Variants in RNF4 observed in about 807,000 individuals in gnomAD.
RNF4 encodes ring finger protein 4, also known as E3 ubiquitin-protein ligase RNF4.
Under a neutral mutation model 24.3 loss-of-function variants are expected in RNF4, and 7 were observed. The ratio of observed to expected loss-of-function variants is 0.29; its 90% CI spans 0.16 to 0.54. The LOEUF (loss-of-function observed/expected upper bound fraction) is 0.54. RNF4 is among the 20% of genes least tolerant of loss of function. The pLI is 0.95. For synonymous variants in RNF4, 83 were observed against 84.3 expected, an observed-to-expected ratio of 0.98 and a Z score of 0.09; for missense variants, 209 against 248.5, an observed-to-expected ratio of 0.84 and a Z score of 1.07.
intron 4 of RNF4, among the ~76,000 whole-genome samples, chr4:2,503,560 G>C (rs753555004): frequency 6.6e-6 from 1 of 152,198 alleles, no homozygotes; most frequent in African/African-American, 2.4e-5. Flanking sequence ...GGACTTGATA[G>C]CTCTTGCTAA....
chr4:2,504,293 T>C (rs1390817805), intron 4 of RNF4, among the ~76,000 whole-genome samples: 2 of 152,180 alleles, frequency 1.3e-5, no homozygotes, highest in Non-Finnish European at 2.9e-5. Context: ...TGATTTTTAC[T>C]GGATAAATGC....
intron 1 of RNF4, among the ~76,000 whole-genome samples, chr4:2,478,132 G>A (rs1195713245): frequency 6.6e-6 from 1 of 152,150 alleles, no homozygotes; most frequent in Non-Finnish European, 1.5e-5. Flanking sequence ...CTAGAGATTT[G>A]TGGAACTTTG....
intron 1 of RNF4, among the ~76,000 whole-genome samples, chr4:2,482,495 G>A (rs1372386259): frequency 6.6e-6 from 1 of 152,146 alleles, no homozygotes; most frequent in African/African-American, 2.4e-5. Flanking sequence ...GGATCCTTAG[G>A]TTTCCTTCAT....
intron 1 of RNF4, among the ~76,000 whole-genome samples, chr4:2,488,571 C>T (rs1465839301): frequency 6.6e-6 from 1 of 152,162 alleles, no homozygotes; most frequent in African/African-American, 2.4e-5. Flanking sequence ...GAGAGACTGC[C>T]AACCTGGTGC....
At chr4:2,513,048 G>T in intron 6 of RNF4, 35 bp from the exon 7 acceptor site, 1 of 1,607,366 alleles carries the variant, frequency 6.2e-7, no homozygotes, top group South Asian at 1.1e-5. Flanking sequence ...TGTTTGCGTT[G>T]ACTGAGAAAC....
chr4:2,481,124 T>C (rs1018260023), intron 1 of RNF4: 1 of 152,248 alleles, frequency 6.6e-6, no homozygotes, highest in African/African-American at 2.4e-5. Flanking sequence ...CAGCATTCAC[T>C]CTCTTTGCCT....
chr4:2,487,744 G>T (rs1306098075), intron 1 of RNF4, among the ~76,000 whole-genome samples: 2 of 152,180 alleles, frequency 1.3e-5, no homozygotes, highest in Non-Finnish European at 2.9e-5. Context: ...TCTGTTGAGA[G>T]CACCCGTAGT....
chr4:2,505,557 C>A (rs531211015), intron 4 of RNF4: 1 of 150,006 alleles, frequency 6.7e-6, no homozygotes, highest in African/African-American at 2.5e-5. Flanking sequence ...GATCTCCTGA[C>A]CTCGTGATCC....
intron 2 of RNF4, among the ~76,000 whole-genome samples, chr4:2,494,298 T>C (rs1025443655): frequency 1.2e-4 from 18 of 151,992 alleles, no homozygotes; most frequent in African/African-American, 4.4e-4. Flanking sequence ...TTTACTCTGC[T>C]GCTGTATCCA....
At chr4:2,493,996 C>CCG (rs1735658483) in intron 2 of RNF4, among the ~76,000 whole-genome samples, 1 of 151,650 alleles carries the variant, frequency 6.6e-6, no homozygotes, top group South Asian at 2.1e-4. Flanking sequence ...GTGCATGCCA[C>CCG]CACGCCCAGC....
intron 3 of RNF4, among the ~76,000 whole-genome samples, chr4:2,500,113 C>T (rs1165901705): frequency 6.8e-6 from 1 of 147,902 alleles, no homozygotes; most frequent in African/African-American, 2.5e-5. Flanking sequence ...GCCAAGATCG[C>T]ACCACTGCAC....
chr4:2,505,479 C>T (rs1409512744), intron 4 of RNF4: 3 of 151,706 alleles, frequency 2.0e-5, no homozygotes, highest in Non-Finnish European at 4.4e-5. Flanking sequence ...GTGCCCGCCA[C>T]CACACCCGGC....
At chr4:2,501,402 C>T (rs1183896128) in intron 4 of RNF4, among the ~76,000 whole-genome samples, 2 of 150,760 alleles carry the variant, frequency 1.3e-5, no homozygotes, top group Non-Finnish European at 2.9e-5. Flanking sequence ...ATGCCTGCTG[C>T]GTCCTGATGC....
rs561493775 is a variant in RNF4, at chr4:2,510,793, C to A, written c.205-1163C>A. ...AGGGAAAGGGCGTTCCACTGGCCCC[C>A]CTAGATGGGTAAGAGCACTTGGCCA... is the stretch of plus-strand genomic sequence containing the variant. On this transcript the variant is annotated intron_variant, in intron 4 of 7. Coordinates refer to ENST00000314289, the MANE Select transcript of RNF4 (RefSeq NM_002938.5). 3.3e-5 allele frequency among the ~76,000 whole-genome samples: 5 copies of A among 152,286 alleles called. No individual in the cohort carries two copies. The East Asian group carries it at 5.8e-4, about 18-fold the overall frequency.
intron 4 of RNF4, among the ~76,000 whole-genome samples, chr4:2,510,829 G>A (rs1736252022): frequency 6.6e-6 from 1 of 152,216 alleles, no homozygotes; most frequent in Non-Finnish European, 1.5e-5. Flanking sequence ...GAAGGTGGGA[G>A]GAACCACGTT....
intron 3 of RNF4, 57 bp from the exon 4 acceptor site, chr4:2,500,602 G>T (rs1311979902): frequency 1.3e-6 from 2 of 1,554,196 alleles, no homozygotes; most frequent in African/African-American, 1.4e-5. Flanking sequence ...AGTGTAGAGG[G>T]ATACAACCTT....
intron 4 of RNF4, among the ~76,000 whole-genome samples, chr4:2,503,634 C>T (rs1735982414): frequency 1.3e-5 from 2 of 152,158 alleles, no homozygotes; most frequent in African/African-American, 4.8e-5. Context: ...TACACTGAGA[C>T]ATATACTTGA....
In RNF4 at chr4:2,512,180, G is replaced by A. The variant is rs1214907619; in HGVS notation, c.214+215G>A. 1.6e-6 allele frequency: 1 copy of A among 641,412 alleles called. No homozygotes were observed. The highest frequency in any genetic ancestry group is 2.7e-6 in the Non-Finnish European group (1 of 368,004). 39.7% of individuals were successfully genotyped at this position (641,412 alleles called of 1,614,324 possible). ...CACTATCATTGAGCACTGAGCTATA[G>A]TCCTTTCTTGTGGCCTACCAGATTT... On this transcript the variant is annotated intron_variant, in intron 5 of 7. Transcript: ENST00000314289. This position sits in a 1 kb window ranked among gnomAD's most constrained non-coding sequence, Gnocchi z 4.1.
At chr4:2,475,874 C>A (rs914002184) in intron 1 of RNF4, among the ~76,000 whole-genome samples, 1 of 152,118 alleles carries the variant, frequency 6.6e-6, no homozygotes, top group African/African-American at 2.4e-5. Flanking sequence ...AAGCAGAGCT[C>A]GAAACTTCAC....
Sources: gnomAD v4.1 joint callset for allele counts (sites outside exome capture counted in the v4.1 genomes callset) on GRCh38, gnomAD v4.1.1 for gene constraint, Gnocchi (gnomAD v3.1) non-coding constraint, MANE v1.5 for transcripts, NCBI Gene and HGNC (gene_info 2026-07-23, HGNC 2026-07-21) for gene names.